Variants in NTM observed in about 807,000 individuals in gnomAD.
The protein encoded by NTM is IgLON family member 2.
In NTM, 13 loss-of-function variants were observed where a neutral mutation model predicts 42.1. That is an observed-to-expected ratio of 0.31 (90% CI 0.20 to 0.49). The LOEUF (loss-of-function observed/expected upper bound fraction) is 0.49. Among genes scored for constraint, NTM ranks in the 20% least tolerant of loss-of-function variants. The pLI, the probability that NTM is intolerant of heterozygous loss-of-function variation, is 0.99. For missense variants in NTM, 373 were observed against 452.8 expected (o/e 0.82, Z 1.60); for synonymous variants, 187 against 179.2 (o/e 1.04, Z -0.35).
At chr11:131,889,470 C>T (rs946139855) in intron 1 of NTM, among the ~76,000 whole-genome samples, 2 of 152,168 alleles carry the variant, frequency 1.3e-5, no homozygotes, top group Non-Finnish European at 2.9e-5. Context: ...GTGTGCTAAG[C>T]AAAACATAAT....
At position 131,761,883 on chromosome 11, in the gene NTM, C is replaced by T. The variant is rs1357678700; in HGVS notation, c.83-149681C>T. 2.0e-5 allele frequency among the ~76,000 whole-genome samples: 3 copies of T among 152,090 alleles called. No homozygotes were observed. The East Asian group carries it at 5.8e-4, about 29-fold the overall frequency. ...AATAATAAATGCAGAGGAGGAAGAGCGCGCATGCTCTCTCTGTCTCCTCTC... is the reference window on the plus strand; with the variant it reads ...AATAATAAATGCAGAGGAGGAAGAGTGCGCATGCTCTCTCTGTCTCCTCTC... On this transcript the variant is annotated intron_variant, in intron 1 of 8. Coordinates refer to ENST00000683400, the MANE Select transcript of NTM (RefSeq NM_001352005.2).
intron 7 of NTM, among the ~76,000 whole-genome samples, chr11:132,326,493 C>A (rs900416658): frequency 3.3e-5 from 5 of 152,168 alleles, no homozygotes; most frequent in African/African-American, 1.2e-4. Flanking sequence ...GGCAAGGAGC[C>A]CCCATCTGCT....
intron 1 of NTM, among the ~76,000 whole-genome samples, chr11:131,884,686 C>T (rs756097233): frequency 6.6e-6 from 1 of 152,046 alleles, no homozygotes; most frequent in Admixed American, 6.5e-5. Flanking sequence ...ACACAGTGAT[C>T]GGAAATCATG....
At chr11:131,391,505 C>A (rs564902457) in intron 1 of NTM, among the ~76,000 whole-genome samples, 4 of 150,506 alleles carry the variant, frequency 2.7e-5, no homozygotes, top group Admixed American at 6.6e-5. Flanking sequence ...GCAAGCAGAG[C>A]GAAGTGACAA....
chr11:131,760,727 T>C (rs1314764539), intron 1 of NTM, among the ~76,000 whole-genome samples: 2 of 152,132 alleles, frequency 1.3e-5, no homozygotes, highest in Admixed American at 1.3e-4. Flanking sequence ...ATCTGGGCCC[T>C]GCAACACAAG....
intron 3 of NTM, among the ~76,000 whole-genome samples, chr11:132,184,603 T>A (rs2078107821): frequency 6.6e-6 from 1 of 152,160 alleles, no homozygotes; most frequent in African/African-American, 2.4e-5. Context: ...CTCATTCACC[T>A]GAAGCCTGGC....
chr11:132,258,389 C>T (rs546947280), intron 4 of NTM, among the ~76,000 whole-genome samples: 2 of 152,090 alleles, frequency 1.3e-5, no homozygotes, highest in South Asian at 4.2e-4. Flanking sequence ...GATGATTTTT[C>T]CTATAGTCTT....
intron 1 of NTM, among the ~76,000 whole-genome samples, chr11:131,441,611 G>T (rs955608439): frequency 2.6e-5 from 4 of 152,164 alleles, no homozygotes; most frequent in African/African-American, 9.7e-5. Context: ...GAGCATGGCA[G>T]CTCCGATATA....
intron 1 of NTM, among the ~76,000 whole-genome samples, chr11:131,883,142 A>AT (rs1477496317): frequency 3.9e-5 from 6 of 152,092 alleles, no homozygotes; most frequent in South Asian, 2.1e-4. Flanking sequence ...AAAATCAAAG[A>AT]TTTTTTTCTT....
chr11:131,595,776 G>T (rs1294957357), intron 1 of NTM, among the ~76,000 whole-genome samples: 1 of 152,200 alleles, frequency 6.6e-6, no homozygotes, highest in African/African-American at 2.4e-5. Context: ...AGAGGGATTT[G>T]CAGGAAGGCA....
intron 1 of NTM, among the ~76,000 whole-genome samples, chr11:131,717,483 A>G (rs1393810795): frequency 6.6e-6 from 1 of 152,194 alleles, no homozygotes; most frequent in South Asian, 2.1e-4. Context: ...TAAATTTTTA[A>G]TGACCCTTTT....
chr11:131,970,596 G>A (rs1303826507), intron 2 of NTM, among the ~76,000 whole-genome samples: 1 of 152,194 alleles, frequency 6.6e-6, no homozygotes, highest in Non-Finnish European at 1.5e-5. Context: ...CAACACTTCC[G>A]CCTCGCTGCT....
intron 1 of NTM, among the ~76,000 whole-genome samples, chr11:131,410,107 C>T (rs375058973): frequency 2.8e-4 from 42 of 152,166 alleles, no homozygotes; most frequent in African/African-American, 8.4e-4. Flanking sequence ...AGGCCAGGCA[C>T]GGGTCTCAGA....
At chr11:132,249,049 C>T (rs2091604949) in intron 4 of NTM, among the ~76,000 whole-genome samples, 1 of 152,242 alleles carries the variant, frequency 6.6e-6, no homozygotes, top group Admixed American at 6.5e-5. Context: ...ATGCTCCACA[C>T]ACTTCCTGTC....
chr11:131,763,709 C>CTTTTTTCTTTT, intron 1 of NTM, among the ~76,000 whole-genome samples: 1 of 71,380 alleles, frequency 1.4e-5, no homozygotes, highest in Admixed American at 1.9e-4. Flanking sequence ...ATCTCTCTCT[C>CTTTTTTCTTTT]TTTTTTTTTT....
intron 1 of NTM, among the ~76,000 whole-genome samples, chr11:131,863,646 T>C (rs1280390880): frequency 1.3e-5 from 2 of 152,154 alleles, no homozygotes; most frequent in African/African-American, 4.8e-5. Context: ...AACCATAACA[T>C]GGAAAGCTGA....
intron 7 of NTM, among the ~76,000 whole-genome samples, chr11:132,318,535 T>C (rs1385600460): frequency 6.6e-6 from 1 of 152,192 alleles, no homozygotes; most frequent in African/African-American, 2.4e-5. Context: ...CCCGCGTCTC[T>C]TGCCTGTCTT....
intron 3 of NTM, among the ~76,000 whole-genome samples, chr11:132,147,661 G>A (rs1398639603): frequency 2.6e-5 from 4 of 151,966 alleles, no homozygotes; most frequent in Non-Finnish European, 2.9e-5. Context: ...CCTGAGCAGC[G>A]GCATGCCAGA....
At chr11:132,046,386 G>GAA (rs59712664) in intron 2 of NTM, among the ~76,000 whole-genome samples, 2 of 145,534 alleles carry the variant, frequency 1.4e-5, no homozygotes, top group Admixed American at 6.9e-5. Context: ...AAAAGGAAAA[G>GAA]AAAAAAAAAA....
Sources: allele counts gnomAD v4.1 joint callset (sites outside exome capture counted in the v4.1 genomes callset), GRCh38; gene constraint gnomAD v4.1.1; transcripts MANE v1.5; gene names NCBI Gene and HGNC (gene_info 2026-07-23, HGNC 2026-07-21).